The following SHTN1 variants were observed in gnomAD, a reference collection of about 807,000 sequenced individuals.
SHTN1 encodes the protein shootin 1, also known as shootin-1.
SHTN1 carries 42 observed loss-of-function variants against 83.1 expected under a neutral mutation model. The ratio of observed to expected loss-of-function variants is 0.51; its 90% CI spans 0.39 to 0.65. The LOEUF (loss-of-function observed/expected upper bound fraction) is 0.65, where lower values mean the gene tolerates loss of function less well. SHTN1 is among the 30% of genes least tolerant of loss of function. SHTN1 has a pLI of 0.00. For synonymous variants in SHTN1, 224 were observed against 247.7 expected (o/e 0.90, Z 0.90); for missense variants, 622 against 737.8 (o/e 0.84, Z 1.82).
chr10:117,032,087 G>T (rs934612263), intron 2 of SHTN1, among the ~76,000 whole-genome samples: 8 of 151,942 alleles, frequency 5.3e-5, no homozygotes, highest in Admixed American at 4.6e-4. Context: ...AACCAAAAAG[G>T]AGCAGAAGTA....
intron 1 of SHTN1, among the ~76,000 whole-genome samples, chr10:117,084,992 GTCTT>G (rs1564954337): frequency 3.3e-5 from 5 of 152,112 alleles, no homozygotes; most frequent in African/African-American, 1.2e-4. Flanking sequence ...GAAATCACCC[GTCTT>G]CTGGGTCGCT....
At chr10:117,035,287 G>T (rs556002983) in intron 2 of SHTN1, among the ~76,000 whole-genome samples, 2 of 152,276 alleles carry the variant, frequency 1.3e-5, no homozygotes, top group East Asian at 1.9e-4. Flanking sequence ...TCCATATGCA[G>T]AAGAATGAAA....
intron 2 of SHTN1, among the ~76,000 whole-genome samples, chr10:116,976,411 G>GA (rs1850810483): frequency 1.3e-5 from 2 of 152,106 alleles, no homozygotes; most frequent in African/African-American, 4.8e-5. Flanking sequence ...CATGTGGAAG[G>GA]AAAAAATACC....
intron 1 of SHTN1, among the ~76,000 whole-genome samples, chr10:116,988,317 C>A (rs962656278): frequency 6.6e-6 from 1 of 151,738 alleles, no homozygotes; most frequent in Non-Finnish European, 1.5e-5. Flanking sequence ...TACACACACA[C>A]ACACACACAC....
In SHTN1 at chr10:116,901,974, T is replaced by C. The variant is rs1461152080; in HGVS notation, c.1481-17A>G. Reference sequence around the variant, plus strand: ...CAGTTGGACCTTAAAACCAAACACATACCTCAAGTTTAATAATTCTGTATG... The same window carrying C: ...CAGTTGGACCTTAAAACCAAACACACACCTCAAGTTTAATAATTCTGTATG... On this transcript the variant is annotated splice_polypyrimidine_tract_variant and intron_variant, in intron 15 of 16. Transcript: ENST00000355371. 4 of 1,563,328 alleles carry C rather than the reference T, an allele frequency of 2.6e-6. No individual in the cohort carries two copies. The highest frequency in any genetic ancestry group is 3.4e-6 in the Non-Finnish European group (4 of 1,159,934).
intron 1 of SHTN1, among the ~76,000 whole-genome samples, chr10:117,118,299 A>G (rs1239850111): frequency 6.6e-6 from 1 of 151,708 alleles, no homozygotes; most frequent in Non-Finnish European, 1.5e-5. Flanking sequence ...GTATATGAAG[A>G]AATGCTCAAC....
chr10:117,125,501 G>C lies in SHTN1; in HGVS notation c.-189+806C>G, dbSNP rs566727699. Among the ~76,000 whole-genome samples the C allele has an allele frequency of 7.9e-5, 12 of 151,926 alleles. No homozygotes were observed. The East Asian group carries it at 2.3e-3, about 29-fold the overall frequency. ...CGGCACCCATCTCATCTTGTAACTG[G>C]GCTTTCCTCCCATCGTTACCCTGCC... On this transcript the variant is annotated intron_variant, in intron 1 of 17. Coordinates refer to the SHTN1 transcript ENST00000392901.
upstream of SHTN1, among the ~76,000 whole-genome samples, chr10:117,007,123 G>A (rs939136455): frequency 2.0e-5 from 3 of 151,916 alleles, no homozygotes; most frequent in African/African-American, 7.3e-5. Context: ...CAAGATAGTT[G>A]CAGATAGCTG....
chr10:117,022,253 C>G (rs1852273774), intron 2 of SHTN1, among the ~76,000 whole-genome samples: 1 of 152,156 alleles, frequency 6.6e-6, no homozygotes. Flanking sequence ...CTGTGCAGTT[C>G]AACTTTTTAT....
At position 116,900,858 on chromosome 10, in the gene SHTN1, G is replaced by GA. The variant is rs546526942; in HGVS notation, c.1673+906dup. 4.7e-5 allele frequency: 46 copies of GA among 984,914 alleles called. No individual in the cohort carries two copies. In the African/African-American group the frequency reaches 7.2e-4, roughly 15 times the overall value. The allele number at this position is 984,914 out of a possible 1,614,324, so 61.0% of individuals were successfully genotyped here. ...AAAGAAGGCCATTCATTCCAGAAGA[G>GA]AAAAAAAAGTTAATAGTAGCAATGA... On this transcript the variant is annotated intron_variant, in intron 16 of 16. Transcript: ENST00000355371.
chr10:116,989,934 A>G (rs1851359521), intron 1 of SHTN1, among the ~76,000 whole-genome samples: 1 of 152,112 alleles, frequency 6.6e-6, no homozygotes, highest in South Asian at 2.1e-4. Context: ...TCATTTTGGC[A>G]TAGTTGGCAG....
At chr10:117,062,419 A>G (rs930837215) in intron 1 of SHTN1, among the ~76,000 whole-genome samples, 5 of 152,176 alleles carry the variant, frequency 3.3e-5, no homozygotes, top group African/African-American at 1.2e-4. Flanking sequence ...ATTGGACATC[A>G]ATGAATTAGC....
chr10:117,076,154 G>A (rs1853149769), intron 1 of SHTN1, among the ~76,000 whole-genome samples: 1 of 139,174 alleles, frequency 7.2e-6, no homozygotes, highest in Non-Finnish European at 1.5e-5. Context: ...CTGCACTCCA[G>A]CCTGCGCGAC....
chr10:116,914,991 A>G (rs1848333990), intron 13 of SHTN1, among the ~76,000 whole-genome samples: 1 of 152,198 alleles, frequency 6.6e-6, no homozygotes, highest in Admixed American at 6.5e-5. Context: ...GTTTTCGCCT[A>G]TTTTGTTCAG....
chr10:117,076,619 A>G (rs1014347041), intron 1 of SHTN1, among the ~76,000 whole-genome samples: 1 of 152,260 alleles, frequency 6.6e-6, no homozygotes, highest in African/African-American at 2.4e-5. Flanking sequence ...TGCACTGGAT[A>G]GGATGGATGA....
chr10:117,009,439 A>G (rs917055566), upstream of SHTN1, among the ~76,000 whole-genome samples: 1 of 152,134 alleles, frequency 6.6e-6, no homozygotes, highest in Non-Finnish European at 1.5e-5. Flanking sequence ...ATCCAAAGAC[A>G]ACAATAGATT....
chr10:116,889,732 C>T (rs945111708), intron 16 of SHTN1, among the ~76,000 whole-genome samples: 5 of 152,208 alleles, frequency 3.3e-5, no homozygotes, highest in African/African-American at 4.8e-5. Flanking sequence ...AAACAGGAGG[C>T]TACAGGCTAG....
At chr10:117,025,251 G>A (rs562220781) in intron 2 of SHTN1, among the ~76,000 whole-genome samples, 83 of 152,304 alleles carry the variant, frequency 5.4e-4, no homozygotes, top group African/African-American at 2.0e-3. Flanking sequence ...GAGTGTTTCT[G>A]TGTCCCATGG....
chr10:117,118,932 TTAAAA>T (rs968567451), intron 1 of SHTN1, among the ~76,000 whole-genome samples: 76 of 152,130 alleles, frequency 5.0e-4, no homozygotes, highest in African/African-American at 1.2e-3. Flanking sequence ...ACCCCTGAAC[TTAAAA>T]TAAAAGTTGG....
Sources: allele counts gnomAD v4.1 joint callset (sites outside exome capture counted in the v4.1 genomes callset), GRCh38; gene constraint gnomAD v4.1.1; transcripts MANE v1.5; gene names NCBI Gene and HGNC (gene_info 2026-07-23, HGNC 2026-07-21).